SYNPO2: variants seen among roughly 807,000 people sequenced by gnomAD.
SYNPO2 encodes the protein synaptopodin 2, also known as synaptopodin-2.
SYNPO2 carries 56 observed loss-of-function variants against 85.0 expected under a neutral mutation model. The ratio of observed to expected loss-of-function variants is 0.66; its 90% CI spans 0.53 to 0.82. The LOEUF is 0.82. Among genes scored for constraint, SYNPO2 ranks in the 40% least tolerant of loss-of-function variants. The pLI is 0.00. For synonymous variants in SYNPO2, 602 were observed against 591.1 expected, an observed-to-expected ratio of 1.02 and a Z score of -0.27; for missense variants, 1,575 against 1,534.2, an observed-to-expected ratio of 1.03 and a Z score of -0.44.
chr4:119,013,278 C>T (rs981524304), intron 1 of SYNPO2, among the ~76,000 whole-genome samples: 2 of 152,088 alleles, frequency 1.3e-5, no homozygotes, highest in African/African-American at 4.8e-5. Context: ...ATAAGGATAT[C>T]CTGATGAAGC....
intron 1 of SYNPO2, among the ~76,000 whole-genome samples, chr4:118,906,177 A>G (rs1359755289): frequency 6.6e-6 from 1 of 152,226 alleles, no homozygotes; most frequent in Non-Finnish European, 1.5e-5. Flanking sequence ...AAGAGTGGCA[A>G]CTATTGAAAA....
intron 1 of SYNPO2, among the ~76,000 whole-genome samples, chr4:118,944,962 T>G (rs960154039): frequency 5.9e-5 from 9 of 152,220 alleles, no homozygotes; most frequent in Non-Finnish European, 1.2e-4. Context: ...TACCACTGAC[T>G]TGTGCATGAC....
intron 1 of SYNPO2, among the ~76,000 whole-genome samples, chr4:118,976,992 A>G (rs571694517): frequency 6.6e-6 from 1 of 152,188 alleles, no homozygotes; most frequent in Non-Finnish European, 1.5e-5. Flanking sequence ...CTTCACCTAG[A>G]GGATCCCGCA....
intron 1 of SYNPO2, among the ~76,000 whole-genome samples, chr4:118,858,382 T>G (rs941796099): frequency 6.6e-6 from 1 of 152,226 alleles, no homozygotes; most frequent in Admixed American, 6.5e-5. Context: ...TTAATGCATG[T>G]TATCACCTCA....
chr4:119,007,267 T>TATATAC (rs1560972620), intron 1 of SYNPO2, among the ~76,000 whole-genome samples: 4 of 74,012 alleles, frequency 5.4e-5, no homozygotes, highest in Non-Finnish European at 7.6e-5. Flanking sequence ...TATATATATA[T>TATATAC]ATATATATGT....
intron 1 of SYNPO2, among the ~76,000 whole-genome samples, chr4:118,983,127 A>G (rs1736092462): frequency 6.6e-6 from 1 of 152,168 alleles, no homozygotes; most frequent in Non-Finnish European, 1.5e-5. Flanking sequence ...AGAGATGGCC[A>G]AGGAGATTAG....
chr4:118,883,833 T>C (rs544423652), intron 1 of SYNPO2, among the ~76,000 whole-genome samples: 5 of 152,194 alleles, frequency 3.3e-5, no homozygotes, highest in South Asian at 4.1e-4. Flanking sequence ...TTTCACCCTG[T>C]TAGGTCTGGG....
chr4:118,855,618 G>T (rs1313581159), intron 1 of SYNPO2, among the ~76,000 whole-genome samples: 1 of 151,728 alleles, frequency 6.6e-6, no homozygotes, highest in East Asian at 1.9e-4. Context: ...TTTAAATATT[G>T]CCAGTAACTT....
At chr4:118,878,617 C>T (rs189405665) in intron 1 of SYNPO2, among the ~76,000 whole-genome samples, 9 of 152,034 alleles carry the variant, frequency 5.9e-5, no homozygotes, top group South Asian at 2.1e-4. Flanking sequence ...CACCAATCAG[C>T]GCTCTGTGTC....
intron 1 of SYNPO2, among the ~76,000 whole-genome samples, chr4:118,947,652 T>G (rs916513493): frequency 1.3e-5 from 2 of 152,260 alleles, no homozygotes; most frequent in East Asian, 3.8e-4. Flanking sequence ...ACACTTCTGC[T>G]TTAGAATTGA....
intron 1 of SYNPO2, among the ~76,000 whole-genome samples, chr4:118,894,773 C>A (rs1018867288): frequency 7.9e-5 from 12 of 151,534 alleles, no homozygotes; most frequent in Admixed American, 7.2e-4. Context: ...TCTAGGCTAA[C>A]TGAAACTATA....
intron 1 of SYNPO2, among the ~76,000 whole-genome samples, chr4:118,855,516 G>T (rs567264461): frequency 6.6e-6 from 1 of 152,046 alleles, no homozygotes; most frequent in South Asian, 2.1e-4. Context: ...ACTGTAGAGA[G>T]AATATTTTCA....
intron 1 of SYNPO2, among the ~76,000 whole-genome samples, chr4:118,902,509 A>G (rs546177928): frequency 6.6e-6 from 1 of 152,112 alleles, no homozygotes; most frequent in Non-Finnish European, 1.5e-5. Context: ...CACTACCAGG[A>G]GAATAGTATG....
At chr4:118,986,229 C>T (rs1203694538) in intron 1 of SYNPO2, among the ~76,000 whole-genome samples, 1 of 152,172 alleles carries the variant, frequency 6.6e-6, no homozygotes, top group African/African-American at 2.4e-5. Flanking sequence ...ATAGGATGCC[C>T]TCTTGCAAAA....
At chr4:119,036,514 C>G (rs1446000585) in intron 4 of SYNPO2, 1 of 985,238 alleles carries the variant, frequency 1.0e-6, no homozygotes, top group East Asian at 1.1e-4. Flanking sequence ...CAGGGTTGGC[C>G]AAGGGCCACA....
chr4:118,997,412 T>C (rs1736648680), intron 1 of SYNPO2, among the ~76,000 whole-genome samples: 1 of 152,150 alleles, frequency 6.6e-6, no homozygotes, highest in South Asian at 2.1e-4. Flanking sequence ...AAACAATATC[T>C]AGGGATACTA....
At chr4:118,983,783 G>A (rs368664422) in intron 1 of SYNPO2, among the ~76,000 whole-genome samples, 21 of 52,442 alleles carry the variant, frequency 4.0e-4, no homozygotes, top group Non-Finnish European at 5.7e-4. Context: ...AACAAGCTAC[G>A]TGCCTGCCCT....
At chr4:118,944,588 G>A (rs1009130677) in intron 1 of SYNPO2, among the ~76,000 whole-genome samples, 4 of 152,086 alleles carry the variant, frequency 2.6e-5, no homozygotes, top group South Asian at 2.1e-4. Flanking sequence ...TCTATGTTAC[G>A]GCGATGGTTC....
intron 1 of SYNPO2, among the ~76,000 whole-genome samples, chr4:119,013,109 C>T (rs552750458): frequency 1.3e-5 from 2 of 152,294 alleles, no homozygotes; most frequent in South Asian, 2.1e-4. Context: ...TTGTCCTTTT[C>T]ACCATGTTGA....
Sources: gnomAD v4.1 joint callset for allele counts (sites outside exome capture counted in the v4.1 genomes callset) on GRCh38, gnomAD v4.1.1 for gene constraint, MANE v1.5 for transcripts, NCBI Gene and HGNC (gene_info 2026-07-23, HGNC 2026-07-21) for gene names.